GPC5: variants seen among roughly 807,000 people sequenced by gnomAD.
GPC5 encodes the protein glypican-5.
In GPC5, 47 loss-of-function variants were observed where a neutral mutation model predicts 53.9. The ratio of observed to expected loss-of-function variants is 0.87; its 90% CI spans 0.69 to 1.11. The LOEUF (loss-of-function observed/expected upper bound fraction) is 1.11. Among genes scored for constraint, GPC5 ranks in the 50% most tolerant of loss-of-function variants. The probability of loss-of-function intolerance (pLI) is 0.00; values close to 1 mark genes in which losing one functional copy is unlikely to be tolerated. For synonymous variants in GPC5, 286 were observed against 263.3 expected, an observed-to-expected ratio of 1.09 and a Z score of -0.84; for missense variants, 748 against 713.1, an observed-to-expected ratio of 1.05 and a Z score of -0.56.
intron 7 of GPC5, among the ~76,000 whole-genome samples, chr13:92,377,070 G>A (rs1428082872): frequency 6.6e-6 from 1 of 152,050 alleles, no homozygotes; most frequent in Non-Finnish European, 1.5e-5. Context: ...CAGTCATGTG[G>A]TAAATTGTTC....
intron 1 of GPC5, among the ~76,000 whole-genome samples, chr13:91,441,406 G>A (rs1880414270): frequency 1.3e-5 from 2 of 152,200 alleles, no homozygotes; most frequent in African/African-American, 4.8e-5. Context: ...ATTACCCTGG[G>A]AAATACTGTT....
chr13:92,586,075 G>C lies in GPC5; in HGVS notation c.1562-280207G>C, dbSNP rs9561090. Reference sequence around the variant, plus strand: ...TGCTGATGCTAATATTTGGTAATGGGTGCTTAAATGTATTGTGAACATGCA... The same window carrying C: ...TGCTGATGCTAATATTTGGTAATGGCTGCTTAAATGTATTGTGAACATGCA... On this transcript the variant is annotated intron_variant, in intron 7 of 7. Coordinates refer to ENST00000377067, the MANE Select transcript of GPC5 (RefSeq NM_004466.6). Among the ~76,000 whole-genome samples, 151 of 152,310 alleles carry C rather than the reference G, an allele frequency of 9.9e-4. 3 individuals carry two copies. The East Asian group carries it at 0.023, about 24-fold the overall frequency.
chr13:91,922,212 T>G (rs2039722391), intron 6 of GPC5, among the ~76,000 whole-genome samples: 1 of 152,186 alleles, frequency 6.6e-6, no homozygotes, highest in Non-Finnish European at 1.5e-5. Flanking sequence ...TATAAAGAGC[T>G]TGTGCATAGG....
intron 2 of GPC5, among the ~76,000 whole-genome samples, chr13:91,560,876 G>A (rs1031429757): frequency 6.6e-6 from 1 of 152,040 alleles, no homozygotes. Flanking sequence ...CCAGACCAAA[G>A]TCAATTCAAT....
intron 7 of GPC5, among the ~76,000 whole-genome samples, chr13:92,464,154 C>A (rs1024935390): frequency 2.0e-5 from 3 of 152,164 alleles, no homozygotes; most frequent in Non-Finnish European, 4.4e-5. Flanking sequence ...TCAGATCTGA[C>A]TGGAGAGACC....
At chr13:92,056,320 C>G (rs2041074069) in intron 6 of GPC5, among the ~76,000 whole-genome samples, 1 of 152,098 alleles carries the variant, frequency 6.6e-6, no homozygotes, top group African/African-American at 2.4e-5. Context: ...TTATTAAGAC[C>G]TCCGGGATTA....
chr13:92,520,238 C>T (rs983123422), intron 7 of GPC5, among the ~76,000 whole-genome samples: 2 of 152,054 alleles, frequency 1.3e-5, no homozygotes, highest in African/African-American at 4.8e-5. Flanking sequence ...GAAACTATTC[C>T]AATCAGTAGG....
chr13:91,966,112 G>T (rs770803326), intron 6 of GPC5, among the ~76,000 whole-genome samples: 1 of 152,136 alleles, frequency 6.6e-6, no homozygotes, highest in African/African-American at 2.4e-5. Context: ...ATACGGACAC[G>T]TGAAAGCCAG....
intron 7 of GPC5, among the ~76,000 whole-genome samples, chr13:92,620,192 A>G (rs1884825354): frequency 6.6e-6 from 1 of 152,148 alleles, no homozygotes; most frequent in South Asian, 2.1e-4. Context: ...AATTGAAGAA[A>G]TAAGTGGCGG....
chr13:91,431,212 G>C (rs2139023534), intron 1 of GPC5, among the ~76,000 whole-genome samples: 1 of 152,068 alleles, frequency 6.6e-6, no homozygotes, highest in East Asian at 1.9e-4. Context: ...TTTATTTCTG[G>C]GCACACAAAA....
chr13:92,801,290 T>C (rs1383371746), intron 7 of GPC5, among the ~76,000 whole-genome samples: 3 of 151,722 alleles, frequency 2.0e-5, no homozygotes, highest in Non-Finnish European at 2.9e-5. Context: ...ATACGACTGG[T>C]TCCATGAGAT....
intron 2 of GPC5, among the ~76,000 whole-genome samples, chr13:91,688,943 G>C (rs2035681621): frequency 6.6e-6 from 1 of 151,594 alleles, no homozygotes; most frequent in Non-Finnish European, 1.5e-5. Context: ...CAGATACCTT[G>C]AGGCCAGGAG....
chr13:91,848,599 G>A (rs1331811224), intron 5 of GPC5, among the ~76,000 whole-genome samples: 1 of 152,128 alleles, frequency 6.6e-6, no homozygotes, highest in Non-Finnish European at 1.5e-5. Context: ...ACAATGAAGA[G>A]GGTAGAAAAG....
intron 1 of GPC5, among the ~76,000 whole-genome samples, chr13:91,420,972 C>T (rs1271193781): frequency 6.6e-6 from 1 of 152,172 alleles, no homozygotes; most frequent in Non-Finnish European, 1.5e-5. Flanking sequence ...CACACTCCCC[C>T]TCAAAATAAT....
At chr13:91,724,591 G>A (rs1176184264) in intron 3 of GPC5, among the ~76,000 whole-genome samples, 1 of 152,138 alleles carries the variant, frequency 6.6e-6, no homozygotes, top group Non-Finnish European at 1.5e-5. Flanking sequence ...TCTCATGCCT[G>A]TAATTCCAGC....
chr13:91,721,414 C>T (rs375862793), intron 3 of GPC5, among the ~76,000 whole-genome samples: 61 of 152,292 alleles, frequency 4.0e-4, no homozygotes, highest in African/African-American at 1.4e-3. Context: ...TGATTACAGG[C>T]GTGAGCCACC....
At chr13:91,631,509 T>G (rs1376310276) in intron 2 of GPC5, among the ~76,000 whole-genome samples, 2 of 152,126 alleles carry the variant, frequency 1.3e-5, no homozygotes, top group Non-Finnish European at 2.9e-5. Flanking sequence ...ATAAGTGTTT[T>G]AGACCTCAAA....
chr13:92,328,296 G>A (rs1369853885), intron 7 of GPC5, among the ~76,000 whole-genome samples: 1 of 152,104 alleles, frequency 6.6e-6, no homozygotes, highest in African/African-American at 2.4e-5. Flanking sequence ...ATATCTGGAG[G>A]ACTGCAAAAC....
intron 2 of GPC5, among the ~76,000 whole-genome samples, chr13:91,630,389 T>C (rs1289425517): frequency 6.6e-6 from 1 of 152,184 alleles, no homozygotes; most frequent in Non-Finnish European, 1.5e-5. Context: ...GCTCAATAAA[T>C]AATACCGTCT....
Sources: allele counts gnomAD v4.1 joint callset (sites outside exome capture counted in the v4.1 genomes callset), GRCh38; gene constraint gnomAD v4.1.1; transcripts MANE v1.5; gene names NCBI Gene and HGNC (gene_info 2026-07-23, HGNC 2026-07-21).